The following MCTP1 variants were observed in gnomAD, a reference collection of about 807,000 sequenced individuals.
The protein encoded by MCTP1 is multiple C2 and transmembrane domain containing 1.
In MCTP1, 69 loss-of-function variants were observed where a neutral mutation model predicts 120.6. The ratio of observed to expected loss-of-function variants is 0.57; its 90% CI spans 0.47 to 0.70. The LOEUF is 0.70. MCTP1 is among the 30% of genes least tolerant of loss of function. The probability of loss-of-function intolerance (pLI) is 0.00; values close to 1 mark genes in which losing one functional copy is unlikely to be tolerated. For synonymous variants in MCTP1, 529 were observed against 493.1 expected, an observed-to-expected ratio of 1.07 and a Z score of -0.96; for missense variants, 1,203 against 1,248.8, an observed-to-expected ratio of 0.96 and a Z score of 0.55.
chr5:94,808,444 T>C (rs986936279), intron 17 of MCTP1, among the ~76,000 whole-genome samples: 7 of 152,194 alleles, frequency 4.6e-5, no homozygotes, highest in Admixed American at 2.6e-4. Context: ...CCACTGAATC[T>C]TTCCAATTTA....
chr5:95,180,447 T>C (rs1163676145), intron 1 of MCTP1, among the ~76,000 whole-genome samples: 1 of 152,244 alleles, frequency 6.6e-6, no homozygotes, highest in African/African-American at 2.4e-5. Flanking sequence ...TTAGGAGCAT[T>C]TTGACCAAAG....
intron 2 of MCTP1, among the ~76,000 whole-genome samples, chr5:94,958,152 C>G (rs901781257): frequency 6.6e-6 from 1 of 152,178 alleles, no homozygotes; most frequent in South Asian, 2.1e-4. Flanking sequence ...ACTGAACAAC[C>G]TGCTCCTGAA....
chr5:94,910,928 T>C (rs1411946513), intron 9 of MCTP1, among the ~76,000 whole-genome samples: 2 of 152,232 alleles, frequency 1.3e-5, no homozygotes, highest in African/African-American at 4.8e-5. Context: ...TGGGGTGTGG[T>C]CTGTCTTTAC....
At chr5:95,099,712 C>T (rs1164644435) in intron 1 of MCTP1, among the ~76,000 whole-genome samples, 104 of 151,442 alleles carry the variant, frequency 6.9e-4, no homozygotes, top group Middle Eastern at 6.8e-3. Context: ...GAAGTCAGTG[C>T]GGCGATTCCT....
Position 94,885,265 on chromosome 5 carries a change from C to T in MCTP1, c.1933+3614G>A, listed in dbSNP as rs1262057471. Among the ~76,000 whole-genome samples the T allele has an allele frequency of 2.0e-5, 3 of 151,266 alleles. No individual in the cohort carries two copies. In the East Asian group the frequency reaches 5.8e-4, roughly 29 times the overall value. On this transcript the variant is annotated intron_variant, in intron 12 of 22. Coordinates refer to ENST00000515393, the MANE Select transcript of MCTP1 (RefSeq NM_024717.7). ...GTTTCTGAAACTGAGTGGCTGGTCT[C>T]CCTGGGGAAGCTATGACCTCTTCCT... is the stretch of plus-strand genomic sequence containing the variant.
intron 1 of MCTP1, among the ~76,000 whole-genome samples, chr5:95,207,935 G>C (rs1205041813): frequency 7.5e-6 from 1 of 132,588 alleles, no homozygotes; most frequent in African/African-American, 2.9e-5. Context: ...GGGCGAGAGA[G>C]AGAGAGAGAG....
chr5:94,749,826 T>C (rs1767868615), intron 19 of MCTP1, among the ~76,000 whole-genome samples: 1 of 152,106 alleles, frequency 6.6e-6, no homozygotes, highest in South Asian at 2.1e-4. Flanking sequence ...TAAATACATT[T>C]TATCAATGCT....
rs534622787 is a variant in MCTP1, at chr5:94,882,574, G to C, written c.1933+6305C>G. Among the ~76,000 whole-genome samples the C allele has an allele frequency of 3.3e-5, 5 of 152,150 alleles. No individual in the cohort carries two copies. The East Asian group carries it at 9.7e-4, about 29-fold the overall frequency. ...AGTTTAATTTTAAACAATGATTCTAGCATCATGAAGGTATTTCTTCAAGCA... is the reference window on the plus strand; with the variant it reads ...AGTTTAATTTTAAACAATGATTCTACCATCATGAAGGTATTTCTTCAAGCA... On this transcript the variant is annotated intron_variant, in intron 12 of 22. Transcript: ENST00000515393.
At chr5:94,868,970 C>G (rs1797342823) in intron 16 of MCTP1, among the ~76,000 whole-genome samples, 1 of 151,864 alleles carries the variant, frequency 6.6e-6, no homozygotes, top group Admixed American at 6.6e-5. Flanking sequence ...ATCTATCTAT[C>G]TATCTTCTAT....
At chr5:95,065,665 G>A (rs1223548088) in intron 1 of MCTP1, among the ~76,000 whole-genome samples, 1 of 152,120 alleles carries the variant, frequency 6.6e-6, no homozygotes. Context: ...AGCATTAAAA[G>A]CTTTTCCTTT....
At chr5:95,066,961 G>C (rs540017601) in intron 1 of MCTP1, among the ~76,000 whole-genome samples, 1 of 152,302 alleles carries the variant, frequency 6.6e-6, no homozygotes, top group African/African-American at 2.4e-5. Context: ...AGAATCTACG[G>C]CCGCTGTTGA....
chr5:94,995,928 C>T (rs1339813703), intron 2 of MCTP1, among the ~76,000 whole-genome samples: 1 of 152,068 alleles, frequency 6.6e-6, no homozygotes, highest in East Asian at 1.9e-4. Context: ...ACCTTTTTGT[C>T]TCAAGACTTT....
chr5:95,158,650 G>T lies in MCTP1; in HGVS notation c.720+125206C>A, dbSNP rs570445573. 3.9e-5 allele frequency among the ~76,000 whole-genome samples: 6 copies of T among 152,260 alleles called. No homozygotes were observed. In the East Asian group the frequency reaches 1.2e-3, roughly 29 times the overall value. On this transcript the variant is annotated intron_variant, in intron 1 of 22. Coordinates refer to ENST00000515393, the MANE Select transcript of MCTP1 (RefSeq NM_024717.7). ...AACTCAAAAGCAAATTTAGGGACAT[G>T]TGCAATGGCTCATGCCTGTAATCCC...
At chr5:94,981,626 C>G (rs937140181) in intron 2 of MCTP1, among the ~76,000 whole-genome samples, 3 of 152,078 alleles carry the variant, frequency 2.0e-5, no homozygotes, top group Non-Finnish European at 2.9e-5. Flanking sequence ...GAGCATGGAA[C>G]AACAGAGAGT....
intron 1 of MCTP1, among the ~76,000 whole-genome samples, chr5:95,265,729 G>A (rs954284015): frequency 6.6e-6 from 1 of 152,130 alleles, no homozygotes; most frequent in African/African-American, 2.4e-5. Context: ...TGTGCTACCT[G>A]GTAGTGACAT....
chr5:95,184,549 G>A (rs1748987936), intron 1 of MCTP1, among the ~76,000 whole-genome samples: 1 of 152,160 alleles, frequency 6.6e-6, no homozygotes, highest in African/African-American at 2.4e-5. Flanking sequence ...GAAGGATTCA[G>A]TTCATGGTTT....
chr5:94,864,167 G>A (rs1295513491), intron 17 of MCTP1, among the ~76,000 whole-genome samples: 10 of 151,862 alleles, frequency 6.6e-5, no homozygotes, highest in South Asian at 6.2e-4. Context: ...AACCTGCCTC[G>A]TAGGCTGCTC....
chr5:95,257,954 A>G lies in MCTP1; in HGVS notation c.720+25902T>C, dbSNP rs575436520. ...GGGTTATAATCCAAAGTATAAAATA[A>G]ATATCCATTAGTCCACACTGATATA... On this transcript the variant is annotated intron_variant, in intron 1 of 22. Coordinates refer to ENST00000515393, the MANE Select transcript of MCTP1 (RefSeq NM_024717.7). Among the ~76,000 whole-genome samples, 8 of 152,340 alleles carry G rather than the reference A, an allele frequency of 5.3e-5. No homozygotes were observed. The East Asian group carries it at 1.5e-3, about 29-fold the overall frequency.
intron 1 of MCTP1, among the ~76,000 whole-genome samples, chr5:95,024,677 A>ACACACACACACC (rs1185400384): frequency 1.8e-4 from 27 of 150,868 alleles, no homozygotes; most frequent in African/African-American, 6.6e-4. Context: ...ACACACACAC[A>ACACACACACACC]CCCCTAAATG....
Sources: allele counts gnomAD v4.1 joint callset (sites outside exome capture counted in the v4.1 genomes callset), GRCh38; gene constraint gnomAD v4.1.1; transcripts MANE v1.5; gene names NCBI Gene and HGNC (gene_info 2026-07-23, HGNC 2026-07-21).